The following ERCC8 variants were observed in gnomAD, a reference collection of about 807,000 sequenced individuals.
The protein encoded by ERCC8 is ERCC excision repair 8, CSA ubiquitin ligase complex subunit.
ERCC8 carries 52 observed loss-of-function variants against 54.9 expected under a neutral mutation model. The observed-to-expected ratio is 0.95, with a 90% CI of 0.76 to 1.19. The LOEUF is 1.19. Among genes scored for constraint, ERCC8 ranks in the 50% most tolerant of loss-of-function variants. The pLI is 0.00. For missense variants in ERCC8, 514 were observed against 466.1 expected, an observed-to-expected ratio of 1.10 and a Z score of -0.95; for synonymous variants, 146 against 157.2, an observed-to-expected ratio of 0.93 and a Z score of 0.53.
At position 60,877,628 on chromosome 5, in the gene ERCC8, T is replaced by C. The variant is rs181384935; in HGVS notation, c.1123-2945A>G. Among the ~76,000 whole-genome samples the C allele has an allele frequency of 2.4e-3, 364 of 152,344 alleles. 8 individuals are homozygous for C. Among genetic ancestry groups the C allele is most frequent in the African/African-American group, 8.5e-3 (354 of 41,582 alleles). On this transcript the variant is annotated intron_variant, in intron 11 of 11. Coordinates refer to ENST00000676185, the MANE Select transcript of ERCC8 (RefSeq NM_000082.4). ...TTGGATTCCTAGGTATTTTAATCTC[T>C]TTGAAGCAATTGTGAATGGAAGTTC...
chr5:60,937,247 T>C (rs1750093919), intron 1 of ERCC8, among the ~76,000 whole-genome samples: 1 of 152,172 alleles, frequency 6.6e-6, no homozygotes. Context: ...GGTTTTGTGT[T>C]GGTTGGCCTC....
intron 11 of ERCC8, among the ~76,000 whole-genome samples, chr5:60,875,927 T>G (rs1747988044): frequency 6.6e-6 from 1 of 152,102 alleles, no homozygotes. Flanking sequence ...TTAGGGTACA[T>G]GTGCACAACG....
chr5:60,938,086 T>TATATA (rs1561519180), intron 1 of ERCC8, among the ~76,000 whole-genome samples: 3 of 24,036 alleles, frequency 1.2e-4, no homozygotes, highest in South Asian at 3.3e-3. Flanking sequence ...TATATATATA[T>TATATA]TTTATTTTTT....
chr5:60,916,392 T>A (rs564327228), intron 4 of ERCC8, among the ~76,000 whole-genome samples: 4 of 152,036 alleles, frequency 2.6e-5, no homozygotes, highest in Non-Finnish European at 5.9e-5. Flanking sequence ...GAAAGTTGAA[T>A]GCATTTCTGT....
chr5:60,944,506 G>A (rs546608709), intron 1 of ERCC8, among the ~76,000 whole-genome samples: 15 of 152,216 alleles, frequency 9.9e-5, no homozygotes, highest in African/African-American at 3.6e-4. Flanking sequence ...TCTGAACTTT[G>A]TTCAATTCCT....
intron 4 of ERCC8, 119 bp downstream of exon 4, chr5:60,918,146 C>T (rs943896219): frequency 2.1e-5 from 17 of 811,934 alleles, no homozygotes. Context: ...TTCTTAACCA[C>T]TGTACTGCTT....
At chr5:60,911,206 C>A (rs1333343579) in intron 4 of ERCC8, among the ~76,000 whole-genome samples, 1 of 151,760 alleles carries the variant, frequency 6.6e-6, no homozygotes, top group African/African-American at 2.4e-5. Flanking sequence ...GCTATCCCTC[C>A]CCCTACTTCT....
At chr5:60,906,497 G>A (rs1266401753) in intron 4 of ERCC8, among the ~76,000 whole-genome samples, 1 of 152,082 alleles carries the variant, frequency 6.6e-6, no homozygotes, top group African/African-American at 2.4e-5. Context: ...GGGAGGCCGA[G>A]GCAGGCGGAT....
chr5:60,914,919 T>C (rs576510525), intron 4 of ERCC8, among the ~76,000 whole-genome samples: 1 of 152,156 alleles, frequency 6.6e-6, no homozygotes, highest in African/African-American at 2.4e-5. Flanking sequence ...TTTATAGATG[T>C]TAAAACAACC....
chr5:60,922,072 G>T lies in ERCC8; in HGVS notation c.257C>A (p.Ala86Glu). 6.2e-7 allele frequency: 1 copy of T among 1,606,214 alleles called. No individual in the cohort carries two copies. Among genetic ancestry groups the T allele is most frequent in the East Asian group, 2.2e-5 (1 of 44,716 alleles). ...TACATACCTGCCAATGGAACACACT[G>T]CTTTACATGTGTAATAAGATTGTCT... ...SSRQSYYTCK[A>E]VCSIGRDHPD... Residue 86 changes from alanine (A) to glutamate (E), a missense_variant, in exon 3 of 12, where the codon GCA (alanine) becomes GAA (glutamate). By Grantham distance (107) the Ala-to-Glu change is moderately radical. Coordinates refer to ENST00000676185, the MANE Select transcript of ERCC8 (RefSeq NM_000082.4).
Position 60,919,797 on chromosome 5 carries a change from G to T in ERCC8, c.276-1409C>A, listed in dbSNP as rs4647082. On this transcript the variant is annotated intron_variant, in intron 3 of 11. Coordinates refer to ENST00000676185, the MANE Select transcript of ERCC8 (RefSeq NM_000082.4). ...TAGGATCATCACCCTTTGGGGAAGA[G>T]GATGATCACCTTTTTGGCTGTATAG... is the stretch of plus-strand genomic sequence containing the variant. Among the ~76,000 whole-genome samples, 364 of 152,030 alleles carry T rather than the reference G, an allele frequency of 2.4e-3. 8 individuals are homozygous for T. The highest frequency in any genetic ancestry group is 8.5e-3 in the African/African-American group (354 of 41,510).
chr5:60,913,818 A>G (rs1056099026), intron 4 of ERCC8, among the ~76,000 whole-genome samples: 14 of 152,122 alleles, frequency 9.2e-5, no homozygotes, highest in African/African-American at 3.4e-4. Flanking sequence ...GTTTCAAAGA[A>G]CATCTTTATT....
intron 4 of ERCC8, among the ~76,000 whole-genome samples, chr5:60,905,081 A>G (rs1749031522): frequency 6.6e-6 from 1 of 152,104 alleles, no homozygotes; most frequent in African/African-American, 2.4e-5. Context: ...ATGAAAAAAA[A>G]TATGTTTTCC....
chr5:60,915,451 G>A (rs772748790), intron 4 of ERCC8, among the ~76,000 whole-genome samples: 3 of 152,068 alleles, frequency 2.0e-5, no homozygotes, highest in Non-Finnish European at 4.4e-5. Flanking sequence ...TACTGATGCA[G>A]TAAGGAAAGT....
At position 60,869,237 on chromosome 5, in the gene ERCC8, T is replaced by C. The variant is rs1413376032; in HGVS notation, c.*5378A>G. Among the ~76,000 whole-genome samples the C allele has an allele frequency of 6.6e-6, 1 of 152,226 alleles. No individual in the cohort carries two copies. Among genetic ancestry groups the C allele is most frequent in the Non-Finnish European group, 1.5e-5 (1 of 68,030 alleles). ...TTACTCAACAGTAATGAAATATTTC[T>C]GAATGAAAACTGTGTAGCCCTTATT... On this transcript the variant is annotated 3_prime_UTR_variant, in exon 12 of 12. Coordinates refer to ENST00000676185, the MANE Select transcript of ERCC8 (RefSeq NM_000082.4).
In ERCC8 at chr5:60,867,111, T is replaced by C. The variant is rs187779061; in HGVS notation, c.*7504A>G. ...TCAGCCTCCCAAAGTGCTGGGATTA[T>C]AGGCGTGAGCCACCATGCCCAGCCC... On this transcript the variant is annotated 3_prime_UTR_variant, in exon 12 of 12. Transcript: ENST00000676185. Among the ~76,000 whole-genome samples the C allele has an allele frequency of 3.5e-4, 54 of 152,132 alleles. No individual in the cohort carries two copies. The highest frequency in any genetic ancestry group is 4.7e-4 in the Non-Finnish European group (32 of 67,976).
At chr5:60,899,562 A>G (rs1417100957) in intron 8 of ERCC8, 65 bp downstream of exon 8, 8 of 1,203,620 alleles carry the variant, frequency 6.6e-6, no homozygotes, top group Non-Finnish European at 9.9e-6. Context: ...ATGTGGCTTC[A>G]ATTAAAAATT....
chr5:60,892,135 T>C, intron 9 of ERCC8: 1 of 489,078 alleles, frequency 2.0e-6, no homozygotes, highest in Non-Finnish European at 4.1e-6. Flanking sequence ...CACATCCACC[T>C]TACTGTTTTT....
chr5:60,894,716 CA>C (rs1455282686), intron 9 of ERCC8, among the ~76,000 whole-genome samples: 1 of 152,156 alleles, frequency 6.6e-6, no homozygotes, highest in African/African-American at 2.4e-5. Context: ...AACACTAATG[CA>C]AATTTGAGAA....
Sources: allele counts gnomAD v4.1 joint callset (sites outside exome capture counted in the v4.1 genomes callset), GRCh38; gene constraint gnomAD v4.1.1; transcripts MANE v1.5; gene names NCBI Gene and HGNC (gene_info 2026-07-23, HGNC 2026-07-21).